The following RPS6KA5 variants were observed in gnomAD, a reference collection of about 807,000 sequenced individuals.
RPS6KA5 encodes ribosomal protein S6 kinase A5.
In RPS6KA5, 27 loss-of-function variants were observed where a neutral mutation model predicts 85.5. The ratio of observed to expected loss-of-function variants is 0.32; its 90% CI spans 0.23 to 0.44. RPS6KA5 has a LOEUF of 0.44. RPS6KA5 is among the 20% of genes least tolerant of loss of function. RPS6KA5 has a pLI of 1.00. For missense variants in RPS6KA5, 811 were observed against 980.9 expected (o/e 0.83, Z 2.31); for synonymous variants, 334 against 348.2 (o/e 0.96, Z 0.46).
intron 1 of RPS6KA5, among the ~76,000 whole-genome samples, chr14:91,008,349 A>C (rs2041118246): frequency 6.6e-6 from 1 of 152,252 alleles, no homozygotes; most frequent in Non-Finnish European, 1.5e-5. Flanking sequence ...TCAATGAATT[A>C]ATCATTTATT....
At chr14:91,014,509 A>C (rs1026533527) in intron 1 of RPS6KA5, among the ~76,000 whole-genome samples, 25 of 151,838 alleles carry the variant, frequency 1.6e-4, no homozygotes, top group South Asian at 4.1e-4. Flanking sequence ...CTCAAAAAAA[A>C]AAAAAACAAA....
intron 13 of RPS6KA5, among the ~76,000 whole-genome samples, chr14:90,890,956 T>C (rs887494339): frequency 6.6e-6 from 1 of 152,122 alleles, no homozygotes; most frequent in African/African-American, 2.4e-5. Context: ...CTTGTGTTTG[T>C]CTTTTGCTTC....
At chr14:90,978,172 T>C in intron 3 of RPS6KA5, 134 bp downstream of exon 3, 3 of 610,340 alleles carry the variant, frequency 4.9e-6, no homozygotes, top group South Asian at 6.3e-5. Flanking sequence ...TTCCAGGAGA[T>C]GCCACCACAA....
intron 1 of RPS6KA5, among the ~76,000 whole-genome samples, chr14:91,055,770 C>T (rs1285990): frequency 0.74 from 112,026 of 152,068 alleles, 41,345 homozygotes; most frequent in East Asian, 0.87. Context: ...ATTCCGTCTC[C>T]AAAAAAACAA....
intron 1 of RPS6KA5, among the ~76,000 whole-genome samples, chr14:91,044,029 T>A (rs923486644): frequency 9.9e-5 from 15 of 151,836 alleles, no homozygotes; most frequent in African/African-American, 3.6e-4. Context: ...GAGTTCAAGA[T>A]CAGCCTGGCC....
At chr14:90,890,737 T>A in intron 13 of RPS6KA5, 59 bp from the exon 14 acceptor site, 1 of 1,457,594 alleles carries the variant, frequency 6.9e-7, no homozygotes, top group South Asian at 1.2e-5. Flanking sequence ...GAATTGCTGG[T>A]ACTATTTATG....
At chr14:90,957,484 G>A (rs1001131388) in intron 3 of RPS6KA5, among the ~76,000 whole-genome samples, 4 of 152,178 alleles carry the variant, frequency 2.6e-5, no homozygotes, top group African/African-American at 7.2e-5. Flanking sequence ...TTGGGCATTC[G>A]AACAATGGTT....
chr14:90,984,375 T>C (rs1286991534), intron 2 of RPS6KA5, among the ~76,000 whole-genome samples: 42 of 152,366 alleles, frequency 2.8e-4, no homozygotes, highest in Admixed American at 3.3e-4. Flanking sequence ...TGAAAACCTA[T>C]GTGCTCTTTT....
rs1444519381 is a variant in RPS6KA5, at chr14:90,854,393, TTATG to T, written c.*17677_*17680del. 4 of 152,166 alleles carry T rather than the reference TTATG, an allele frequency of 2.6e-5. No homozygotes were observed. Among genetic ancestry groups the T allele is most frequent in the African/African-American group, 7.2e-5 (3 of 41,450 alleles). The allele number at this position is 152,166 out of a possible 1,614,324, so 9.4% of individuals were successfully genotyped here. On this transcript the variant is annotated 3_prime_UTR_variant, in exon 17 of 17. Transcript: ENST00000614987. ...TTAGAAATAGCCTACATAATGAAGATTATGTATTATATAGTCACAAATTTTTATT... is the reference window on the plus strand; with the variant it reads ...TTAGAAATAGCCTACATAATGAAGATTATTATATAGTCACAAATTTTTATT...
At chr14:90,989,463 G>T (rs1303045656) in intron 2 of RPS6KA5, among the ~76,000 whole-genome samples, 1 of 152,116 alleles carries the variant, frequency 6.6e-6, no homozygotes, top group Non-Finnish European at 1.5e-5. Flanking sequence ...CAAGACATCA[G>T]CTCTTCAAAG....
At chr14:90,925,022 A>C (rs1411290866) in intron 5 of RPS6KA5, among the ~76,000 whole-genome samples, 2 of 152,198 alleles carry the variant, frequency 1.3e-5, no homozygotes, top group Non-Finnish European at 2.9e-5. Flanking sequence ...GCAAATCTCC[A>C]CACAAATATC....
At chr14:90,978,645 G>A in intron 2 of RPS6KA5, 121 bp from the exon 3 acceptor site, 1 of 673,900 alleles carries the variant, frequency 1.5e-6, no homozygotes, top group African/African-American at 1.8e-5. Flanking sequence ...AAGTACCCTT[G>A]GTACCAGTTC....
chr14:90,897,192 G>A (rs1178268186), intron 12 of RPS6KA5, among the ~76,000 whole-genome samples: 2 of 152,104 alleles, frequency 1.3e-5, no homozygotes, highest in Non-Finnish European at 2.9e-5. Context: ...TAAGGCTGTC[G>A]CTGATCTGCC....
At chr14:91,042,664 A>G (rs2042651044) in intron 1 of RPS6KA5, among the ~76,000 whole-genome samples, 1 of 152,242 alleles carries the variant, frequency 6.6e-6, no homozygotes, top group South Asian at 2.1e-4. Flanking sequence ...TCCTGCCACC[A>G]AATCTGCAAA....
chr14:90,915,818 T>TAAAA (rs2036090625), intron 7 of RPS6KA5, among the ~76,000 whole-genome samples: 1 of 150,188 alleles, frequency 6.7e-6, no homozygotes, highest in African/African-American at 2.5e-5. Context: ...ATTAAAAAAA[T>TAAAA]AAATAAATAA....
rs900669801 is a variant in RPS6KA5, at chr14:90,868,477, T to C, written c.*3597A>G. The stretch of plus-strand genomic sequence containing the variant: ...CAGTAATAATTCATCTATATAACAA[T>C]TATTTTGACATAAGTGGCATATCAG... On this transcript the variant is annotated 3_prime_UTR_variant, in exon 17 of 17. Coordinates refer to ENST00000614987, the MANE Select transcript of RPS6KA5 (RefSeq NM_004755.4). The C allele has an allele frequency of 6.6e-6, 1 of 152,208 alleles. No homozygotes were observed. The highest frequency in any genetic ancestry group is 6.5e-5 in the Admixed American group (1 of 15,284). The allele number at this position is 152,208 out of a possible 1,614,324, so 9.4% of individuals were successfully genotyped here. A position where few individuals can be genotyped will look rare whatever the true frequency, so the allele number is the denominator to read the frequency against.
intron 1 of RPS6KA5, among the ~76,000 whole-genome samples, chr14:91,040,587 G>GCC (rs2042569540): frequency 6.6e-6 from 1 of 152,066 alleles, no homozygotes. Context: ...AGAGATGTAG[G>GCC]CTGAAAATAG....
At chr14:90,991,812 G>A (rs1286060) in intron 2 of RPS6KA5, among the ~76,000 whole-genome samples, 123,331 of 151,908 alleles carry the variant, frequency 0.81, 50,691 homozygotes, top group East Asian at 0.97. Context: ...ACTGATCAAG[G>A]TTAGTGATAG....
At chr14:91,044,732 G>C (rs2042797310) in intron 1 of RPS6KA5, among the ~76,000 whole-genome samples, 1 of 151,804 alleles carries the variant, frequency 6.6e-6, no homozygotes, top group Non-Finnish European at 1.5e-5. Context: ...TTAGCCAGGT[G>C]TGGTGGCAGG....
Sources: allele counts gnomAD v4.1 joint callset (sites outside exome capture counted in the v4.1 genomes callset), GRCh38; gene constraint gnomAD v4.1.1; transcripts MANE v1.5; gene names NCBI Gene and HGNC (gene_info 2026-07-23, HGNC 2026-07-21).